Variants in CACNA1E observed in about 807,000 individuals in gnomAD.
CACNA1E encodes the protein voltage-dependent R-type calcium channel subunit alpha-1E.
CACNA1E carries 40 observed loss-of-function variants against 259.2 expected under a neutral mutation model. That is an observed-to-expected ratio of 0.15 (90% CI 0.12 to 0.20). CACNA1E has a LOEUF of 0.20. Among genes scored for constraint, CACNA1E ranks in the 10% least tolerant of loss-of-function variants. The probability of loss-of-function intolerance (pLI) is 1.00; values close to 1 mark genes in which losing one functional copy is unlikely to be tolerated. For missense variants in CACNA1E, 1,874 were observed against 3,040.1 expected, an observed-to-expected ratio of 0.62 and a Z score of 9.02; for synonymous variants, 1,104 against 1,138.5, an observed-to-expected ratio of 0.97 and a Z score of 0.61.
chr1:181,414,141 CTTT>C (rs1246019103), intron 2 of CACNA1E, among the ~76,000 whole-genome samples: 1 of 152,086 alleles, frequency 6.6e-6, no homozygotes, highest in Non-Finnish European at 1.5e-5. Flanking sequence ...AGAATTTTGG[CTTT>C]TTCTTCTTAG....
chr1:181,643,334 G>A (rs1484170937), intron 6 of CACNA1E, among the ~76,000 whole-genome samples: 1 of 152,176 alleles, frequency 6.6e-6, no homozygotes, highest in Non-Finnish European at 1.5e-5. Context: ...TGACATCAAT[G>A]TTGGAATTAC....
At chr1:181,580,992 G>A (rs1651461103) in intron 6 of CACNA1E, among the ~76,000 whole-genome samples, 1 of 152,166 alleles carries the variant, frequency 6.6e-6, no homozygotes, top group South Asian at 2.1e-4. Context: ...TTCTTAATAC[G>A]ATTAGGAAAT....
At chr1:181,592,860 G>A (rs565559352) in intron 6 of CACNA1E, among the ~76,000 whole-genome samples, 9 of 152,034 alleles carry the variant, frequency 5.9e-5, no homozygotes, top group African/African-American at 1.7e-4. Flanking sequence ...ATCCACCTTC[G>A]ACTTAGACCT....
chr1:181,766,945 C>T (rs1466113564), intron 35 of CACNA1E, among the ~76,000 whole-genome samples: 1 of 152,180 alleles, frequency 6.6e-6, no homozygotes, highest in Non-Finnish European at 1.5e-5. Flanking sequence ...AAAGATCCCC[C>T]AGGAGACTAA....
chr1:181,389,299 A>G (rs1656082804), intron 1 of CACNA1E, among the ~76,000 whole-genome samples: 1 of 152,216 alleles, frequency 6.6e-6, no homozygotes, highest in African/African-American at 2.4e-5. Context: ...TCATGGCACT[A>G]AATAGACCAC....
intron 6 of CACNA1E, among the ~76,000 whole-genome samples, chr1:181,643,527 G>A (rs1164021449): frequency 6.6e-6 from 1 of 152,166 alleles, no homozygotes; most frequent in Non-Finnish European, 1.5e-5. Context: ...GTACCTGCCT[G>A]CCCAGTGCCA....
intron 35 of CACNA1E, among the ~76,000 whole-genome samples, chr1:181,768,765 T>A (rs927482596): frequency 6.6e-6 from 1 of 152,174 alleles, no homozygotes; most frequent in African/African-American, 2.4e-5. Flanking sequence ...GCCATCCCCA[T>A]CCTGGTCTAT....
At chr1:181,428,593 G>T (rs1271286730) in intron 2 of CACNA1E, among the ~76,000 whole-genome samples, 2 of 152,112 alleles carry the variant, frequency 1.3e-5, no homozygotes, top group East Asian at 3.9e-4. Context: ...TGTCCAGGTG[G>T]TGGTGATGGT....
At chr1:181,717,501 C>A (rs1223505677) in intron 11 of CACNA1E, among the ~76,000 whole-genome samples, 199 bp downstream of exon 11, 1 of 152,140 alleles carries the variant, frequency 6.6e-6, no homozygotes, top group African/African-American at 2.4e-5. Context: ...GTAAACAGAT[C>A]ATTGTTGATG....
At chr1:181,779,819 T>TATACACACAC (rs370803050) in intron 38 of CACNA1E, among the ~76,000 whole-genome samples, 1 of 148,292 alleles carries the variant, frequency 6.7e-6, no homozygotes, top group African/African-American at 2.5e-5. Flanking sequence ...TATGCACATG[T>TATACACACAC]ACACACACAC....
chr1:181,530,815 T>G (rs111687041), intron 3 of CACNA1E, among the ~76,000 whole-genome samples: 1,905 of 152,220 alleles, frequency 0.013, 40 homozygotes, highest in African/African-American at 0.042. Context: ...CCATTAAAAT[T>G]TGATGGTGTT....
At chr1:181,634,192 G>A (rs961311616) in intron 6 of CACNA1E, among the ~76,000 whole-genome samples, 1 of 152,154 alleles carries the variant, frequency 6.6e-6, no homozygotes, top group African/African-American at 2.4e-5. Context: ...AGCTCACTTT[G>A]CTCTTCTTTA....
intron 7 of CACNA1E, among the ~76,000 whole-genome samples, chr1:181,655,640 T>C (rs1014171297): frequency 2.6e-5 from 4 of 152,136 alleles, no homozygotes; most frequent in African/African-American, 4.8e-5. Flanking sequence ...GTGATACTCA[T>C]GGAAACAAGG....
intron 6 of CACNA1E, among the ~76,000 whole-genome samples, chr1:181,602,211 GAGT>G (rs1192026044): frequency 6.6e-6 from 1 of 152,210 alleles, no homozygotes; most frequent in African/African-American, 2.4e-5. Context: ...GATCCCACTA[GAGT>G]ACAAGCTTCA....
chr1:181,321,112 G>A (rs1353703670), intron 1 of CACNA1E, among the ~76,000 whole-genome samples: 1 of 152,078 alleles, frequency 6.6e-6, no homozygotes, highest in Non-Finnish European at 1.5e-5. Context: ...AGATCTTGTG[G>A]CAATTAATAG....
chr1:181,445,183 G>C (rs1175065987), intron 2 of CACNA1E, among the ~76,000 whole-genome samples: 2 of 152,146 alleles, frequency 1.3e-5, no homozygotes, highest in Non-Finnish European at 2.9e-5. Context: ...TTCTTTCTGA[G>C]CACTAACCAA....
At chr1:181,492,788 G>T (rs549067273) in intron 1 of CACNA1E, among the ~76,000 whole-genome samples, 7 of 152,234 alleles carry the variant, frequency 4.6e-5, no homozygotes, top group Admixed American at 2.6e-4. Flanking sequence ...TATGCCTTGG[G>T]CTTATTTTCC....
intron 1 of CACNA1E, among the ~76,000 whole-genome samples, chr1:181,491,332 T>C (rs966426807): frequency 6.6e-6 from 1 of 152,232 alleles, no homozygotes; most frequent in Admixed American, 6.5e-5. Context: ...CAGAATCACC[T>C]GGAGGGCTTG....
At chr1:181,431,711 G>A (rs1422370243) in intron 2 of CACNA1E, among the ~76,000 whole-genome samples, 3 of 152,132 alleles carry the variant, frequency 2.0e-5, no homozygotes, top group Non-Finnish European at 4.4e-5. Context: ...GCATTCTGCA[G>A]GATTCTTTAG....
Sources: gnomAD v4.1 joint callset for allele counts (sites outside exome capture counted in the v4.1 genomes callset) on GRCh38, gnomAD v4.1.1 for gene constraint, MANE v1.5 for transcripts, NCBI Gene and HGNC (gene_info 2026-07-23, HGNC 2026-07-21) for gene names.